PCCA: variants seen among roughly 807,000 people sequenced by gnomAD.
PCCA encodes the protein propionyl-CoA carboxylase alpha chain, mitochondrial.
Under a neutral mutation model 101.3 loss-of-function variants are expected in PCCA, and 74 were observed. That is an observed-to-expected ratio of 0.73 (90% CI 0.61 to 0.89). The LOEUF (loss-of-function observed/expected upper bound fraction) is 0.89. Ranked by LOEUF, PCCA falls within the 40% of genes least tolerant of loss-of-function variation. The pLI is 0.00. For missense variants in PCCA, 891 were observed against 907.0 expected, an observed-to-expected ratio of 0.98 and a Z score of 0.23; for synonymous variants, 294 against 313.6, an observed-to-expected ratio of 0.94 and a Z score of 0.66.
intron 7 of PCCA, among the ~76,000 whole-genome samples, chr13:100,210,655 A>G (rs1311422578): frequency 6.6e-6 from 1 of 152,222 alleles, no homozygotes; most frequent in Non-Finnish European, 1.5e-5. Context: ...CCCATGAGAA[A>G]TTATTCTGTT....
chr13:100,104,373 G>C (rs2047560882), intron 2 of PCCA: 1 of 152,182 alleles, frequency 6.6e-6, no homozygotes, highest in African/African-American at 2.4e-5. Flanking sequence ...ATCTCGACCT[G>C]TAATCCCCAT....
At chr13:100,099,180 T>G (rs1439986306) in intron 1 of PCCA, among the ~76,000 whole-genome samples, 2 of 152,170 alleles carry the variant, frequency 1.3e-5, no homozygotes, top group Non-Finnish European at 2.9e-5. Flanking sequence ...CTACTGCGGG[T>G]ATGTTAACAA....
At chr13:100,502,682 T>C (rs1239618036) in intron 21 of PCCA, among the ~76,000 whole-genome samples, 1 of 152,176 alleles carries the variant, frequency 6.6e-6, no homozygotes, top group Non-Finnish European at 1.5e-5. Flanking sequence ...GTGGTTACAA[T>C]TTACAAAGTT....
intron 21 of PCCA, among the ~76,000 whole-genome samples, chr13:100,498,606 G>T (rs967686883): frequency 1.3e-5 from 2 of 152,056 alleles, no homozygotes; most frequent in Non-Finnish European, 2.9e-5. Flanking sequence ...GTTCCAAGAC[G>T]ATTCATCACC....
chr13:100,442,181 G>A (rs1288394294), intron 20 of PCCA, among the ~76,000 whole-genome samples: 2 of 151,468 alleles, frequency 1.3e-5, no homozygotes, highest in Non-Finnish European at 2.9e-5. Flanking sequence ...TTTAGTAGAG[G>A]CAGGATTTCA....
At chr13:100,524,412 T>TGTGTGTGTGTGTGTG (rs59438858) in intron 22 of PCCA, among the ~76,000 whole-genome samples, 17 of 148,910 alleles carry the variant, frequency 1.1e-4, no homozygotes, top group South Asian at 4.3e-4. Flanking sequence ...TGTGTGTGTG[T>TGTGTGTGTGTGTGTG]TGGGGTAGAA....
chr13:100,146,675 A>G (rs1421571160), intron 4 of PCCA, among the ~76,000 whole-genome samples: 1 of 152,180 alleles, frequency 6.6e-6, no homozygotes, highest in Non-Finnish European at 1.5e-5. Flanking sequence ...TGCGAATTAA[A>G]AAAATGAATC....
intron 18 of PCCA, among the ~76,000 whole-genome samples, chr13:100,345,442 T>A (rs945531871): frequency 3.9e-5 from 6 of 152,228 alleles, no homozygotes; most frequent in African/African-American, 1.4e-4. Context: ...AGCAAGGCCC[T>A]AACTCTCTTC....
At chr13:100,468,809 G>A (rs2082734967) in intron 21 of PCCA, among the ~76,000 whole-genome samples, 1 of 152,088 alleles carries the variant, frequency 6.6e-6, no homozygotes, top group South Asian at 2.1e-4. Context: ...CGGATCACTT[G>A]AGGTCAGGAG....
chr13:100,436,424 C>T (rs2152908607), intron 20 of PCCA, among the ~76,000 whole-genome samples: 1 of 152,312 alleles, frequency 6.6e-6, no homozygotes, highest in East Asian at 1.9e-4. Context: ...ATCTGATTTT[C>T]TGATTTGTTA....
chr13:100,320,217 AT>A (rs1646966628), intron 16 of PCCA, among the ~76,000 whole-genome samples: 1 of 152,094 alleles, frequency 6.6e-6, no homozygotes, highest in Admixed American at 6.6e-5. Flanking sequence ...GCTTAAGGAG[AT>A]TTTGGGCTGA....
intron 6 of PCCA, among the ~76,000 whole-genome samples, chr13:100,208,974 G>C (rs2059037667): frequency 6.6e-6 from 1 of 152,132 alleles, no homozygotes. Context: ...TATGCTGCAG[G>C]CTATTGAGAA....
chr13:100,092,818 T>G (rs940840654), intron 1 of PCCA, among the ~76,000 whole-genome samples: 1 of 152,256 alleles, frequency 6.6e-6, no homozygotes, highest in Admixed American at 6.5e-5. Context: ...TAGAATTGCC[T>G]GGAGGTTAAT....
At chr13:100,287,374 C>A (rs1481046464) in intron 12 of PCCA, among the ~76,000 whole-genome samples, 1 of 152,010 alleles carries the variant, frequency 6.6e-6, no homozygotes, top group African/African-American at 2.4e-5. Context: ...ATGACAGAAT[C>A]TCTGGACTAT....
At chr13:100,471,548 G>A (rs142424595) in intron 21 of PCCA, among the ~76,000 whole-genome samples, 1 of 152,288 alleles carries the variant, frequency 6.6e-6, no homozygotes, top group African/African-American at 2.4e-5. Flanking sequence ...AAATGAGGTA[G>A]GCCTGGATTT....
chr13:100,204,932 T>A (rs943888692), intron 6 of PCCA, among the ~76,000 whole-genome samples: 30 of 152,250 alleles, frequency 2.0e-4, no homozygotes, highest in South Asian at 6.2e-4. Context: ...TACCTGGGAC[T>A]ACAGGCACAC....
chr13:100,272,373 T>G (rs940390541), intron 11 of PCCA, among the ~76,000 whole-genome samples: 1 of 152,230 alleles, frequency 6.6e-6, no homozygotes, highest in African/African-American at 2.4e-5. Flanking sequence ...TGTGTATTTC[T>G]CATTTAATAT....
chr13:100,209,671 G>A (rs990422713), intron 7 of PCCA, among the ~76,000 whole-genome samples: 2 of 151,760 alleles, frequency 1.3e-5, no homozygotes, highest in African/African-American at 4.8e-5. Flanking sequence ...TGCTCTTGTC[G>A]CCCAGGCTGG....
chr13:100,306,243 G>A (rs1195255396), intron 14 of PCCA, among the ~76,000 whole-genome samples: 2 of 152,188 alleles, frequency 1.3e-5, no homozygotes, highest in African/African-American at 2.4e-5. Flanking sequence ...GGCTACGTGA[G>A]CTTCCGCTCT....
Sources: allele counts gnomAD v4.1 joint callset (sites outside exome capture counted in the v4.1 genomes callset), GRCh38; gene constraint gnomAD v4.1.1; transcripts MANE v1.5; gene names NCBI Gene and HGNC (gene_info 2026-07-23, HGNC 2026-07-21).